Variants in GALNTL6 observed in about 807,000 individuals in gnomAD.
The protein encoded by GALNTL6 is polypeptide N-acetylgalactosaminyltransferase-like 6.
In GALNTL6, 46 loss-of-function variants were observed where a neutral mutation model predicts 73.7. That is an observed-to-expected ratio of 0.62 (90% CI 0.49 to 0.80). The LOEUF (loss-of-function observed/expected upper bound fraction) is 0.80, where lower values mean the gene tolerates loss of function less well. Ranked by LOEUF, GALNTL6 falls within the 30% of genes least tolerant of loss-of-function variation. The pLI is 0.00. For missense variants in GALNTL6, 604 were observed against 755.0 expected (o/e 0.80, Z 2.34); for synonymous variants, 259 against 263.7 (o/e 0.98, Z 0.17).
intron 7 of GALNTL6, among the ~76,000 whole-genome samples, chr4:172,874,789 G>A (rs1348941677): frequency 6.6e-6 from 1 of 152,232 alleles, no homozygotes; most frequent in Non-Finnish European, 1.5e-5. Context: ...TGGCCCCTGT[G>A]GAGAGCAAGG....
At chr4:171,986,282 T>G (rs1740082287) in intron 2 of GALNTL6, among the ~76,000 whole-genome samples, 1 of 148,746 alleles carries the variant, frequency 6.7e-6, no homozygotes, top group Non-Finnish European at 1.5e-5. Context: ...AAAGGGGGGG[T>G]GTTCTCTGGC....
intron 5 of GALNTL6, among the ~76,000 whole-genome samples, chr4:172,734,776 C>T (rs1195436887): frequency 2.0e-5 from 3 of 152,072 alleles, no homozygotes; most frequent in African/African-American, 4.8e-5. Flanking sequence ...GTCCAGGGTC[C>T]CTCTACTGTG....
chr4:171,982,729 A>G (rs1466805229), intron 2 of GALNTL6, among the ~76,000 whole-genome samples: 1 of 152,332 alleles, frequency 6.6e-6, no homozygotes, highest in East Asian at 1.9e-4. Flanking sequence ...AAGTTTTGAG[A>G]AAATCATAAA....
At chr4:172,933,597 A>T (rs927139637) in intron 9 of GALNTL6, among the ~76,000 whole-genome samples, 2 of 152,100 alleles carry the variant, frequency 1.3e-5, no homozygotes, top group Non-Finnish European at 1.5e-5. Flanking sequence ...GAAAGTCATA[A>T]ATATTAAAGC....
chr4:173,019,459 A>G (rs936516270), intron 11 of GALNTL6, among the ~76,000 whole-genome samples: 3 of 152,198 alleles, frequency 2.0e-5, no homozygotes, highest in African/African-American at 7.2e-5. Flanking sequence ...TTATAGGACA[A>G]CAGAGGTGCA....
At chr4:172,552,905 T>C (rs338034) in intron 5 of GALNTL6, among the ~76,000 whole-genome samples, 147,717 of 147,836 alleles carry the variant, frequency 1, 73,799 homozygotes, top group Non-Finnish European at 1. Flanking sequence ...CTCTCAGATG[T>C]TCTTAAATTA....
chr4:172,676,012 G>A (rs1464098517), intron 5 of GALNTL6, among the ~76,000 whole-genome samples: 2 of 152,176 alleles, frequency 1.3e-5, no homozygotes, highest in African/African-American at 4.8e-5. Flanking sequence ...AATTTTAGAT[G>A]TTGCCTGAAG....
chr4:172,994,484 A>G (rs1221104408), intron 10 of GALNTL6, among the ~76,000 whole-genome samples: 1 of 152,248 alleles, frequency 6.6e-6, no homozygotes, highest in African/African-American at 2.4e-5. Context: ...TTTAAGGCTC[A>G]CAGAGAAATA....
intron 2 of GALNTL6, among the ~76,000 whole-genome samples, chr4:171,997,115 G>A (rs1740517807): frequency 6.6e-6 from 1 of 152,098 alleles, no homozygotes; most frequent in Non-Finnish European, 1.5e-5. Flanking sequence ...AATAGGTCTT[G>A]TCTTCTTCAT....
intron 7 of GALNTL6, among the ~76,000 whole-genome samples, chr4:172,851,752 T>TA (rs1012099806): frequency 1.1e-4 from 16 of 152,196 alleles, no homozygotes; most frequent in Non-Finnish European, 7.3e-5. Flanking sequence ...GCAAAGCATA[T>TA]TCTGGTTTGA....
At chr4:172,144,130 TC>T (rs1733868699) in intron 2 of GALNTL6, among the ~76,000 whole-genome samples, 1 of 152,156 alleles carries the variant, frequency 6.6e-6, no homozygotes, top group Non-Finnish European at 1.5e-5. Context: ...GATAAAGGGC[TC>T]CCCTTCCAAT....
rs567615845 is a variant in GALNTL6, at chr4:172,288,369, G to A, written c.248-23245G>A. 8.3e-4 allele frequency among the ~76,000 whole-genome samples: 127 copies of A among 152,236 alleles called. 1 individual carries two copies. The highest frequency in any genetic ancestry group is 2.9e-3 in the African/African-American group (122 of 41,518). On this transcript the variant is annotated intron_variant, in intron 3 of 12. Transcript: ENST00000506823. ...GCCTCCCAAAGTGCTGGGATTACAG[G>A]CATGAGCCACAGCGCCTGGCCGAAT...
rs71607880 is a variant in GALNTL6, at chr4:172,294,263, T to A, written c.248-17351T>A. On this transcript the variant is annotated intron_variant, in intron 3 of 12. Transcript: ENST00000506823. ...AATGGCTTCTTTATTTTCTTTATAGTTTTTCTTACTTTCTTTGATAGTTTT... is the reference window on the plus strand; with the variant it reads ...AATGGCTTCTTTATTTTCTTTATAGATTTTCTTACTTTCTTTGATAGTTTT... Among the ~76,000 whole-genome samples the A allele has an allele frequency of 9.5e-3, 1,444 of 152,284 alleles. 6 individuals are homozygous for A. The highest frequency in any genetic ancestry group is 0.017 in the Non-Finnish European group (1,176 of 68,020).
At chr4:172,407,023 A>G (rs1305441165) in intron 5 of GALNTL6, among the ~76,000 whole-genome samples, 1 of 151,956 alleles carries the variant, frequency 6.6e-6, no homozygotes, top group Non-Finnish European at 1.5e-5. Context: ...TAAATGGGTC[A>G]ATTTTATTTA....
intron 8 of GALNTL6, among the ~76,000 whole-genome samples, chr4:172,908,494 A>G (rs374548025): frequency 2.0e-5 from 3 of 152,132 alleles, no homozygotes; most frequent in East Asian, 3.9e-4. Flanking sequence ...AGCAGGGGGG[A>G]AATTTTCTAT....
intron 5 of GALNTL6, among the ~76,000 whole-genome samples, chr4:172,352,434 T>G (rs1054897289): frequency 1.3e-5 from 2 of 152,186 alleles, no homozygotes; most frequent in African/African-American, 4.8e-5. Context: ...GTGGCTATTT[T>G]CTTTTTTTCC....
At chr4:172,962,236 C>T (rs905003287) in intron 10 of GALNTL6, among the ~76,000 whole-genome samples, 2 of 152,190 alleles carry the variant, frequency 1.3e-5, no homozygotes, top group African/African-American at 4.8e-5. Context: ...TCAGTTAAGG[C>T]AGGAACTGGC....
chr4:172,424,555 C>T (rs1434759790), intron 5 of GALNTL6, among the ~76,000 whole-genome samples: 1 of 152,068 alleles, frequency 6.6e-6, no homozygotes, highest in Non-Finnish European at 1.5e-5. Context: ...GTGTTTCTAA[C>T]TCATGTAACA....
intron 5 of GALNTL6, among the ~76,000 whole-genome samples, chr4:172,727,973 C>T (rs1056806994): frequency 2.6e-5 from 4 of 151,878 alleles, no homozygotes; most frequent in South Asian, 2.1e-4. Context: ...AGTGCAGTGG[C>T]GGGATCTCAG....
Sources: allele counts gnomAD v4.1 joint callset (sites outside exome capture counted in the v4.1 genomes callset), GRCh38; gene constraint gnomAD v4.1.1; transcripts MANE v1.5; gene names NCBI Gene and HGNC (gene_info 2026-07-23, HGNC 2026-07-21).